Variants in PTPRN2 observed in about 807,000 individuals in gnomAD.
PTPRN2 encodes receptor-type tyrosine-protein phosphatase N2.
PTPRN2 carries 74 observed loss-of-function variants against 118.8 expected under a neutral mutation model. The ratio of observed to expected loss-of-function variants is 0.62; its 90% CI spans 0.52 to 0.76. The LOEUF is 0.76. Among genes scored for constraint, PTPRN2 ranks in the 30% least tolerant of loss-of-function variants. The pLI is 0.00. For synonymous variants in PTPRN2, 641 were observed against 608.0 expected, an observed-to-expected ratio of 1.05 and a Z score of -0.80; for missense variants, 1,481 against 1,394.4, an observed-to-expected ratio of 1.06 and a Z score of -0.99.
At chr7:157,927,322 C>CG (rs1461874469) in intron 11 of PTPRN2, among the ~76,000 whole-genome samples, 35 of 41,718 alleles carry the variant, frequency 8.4e-4, no homozygotes, top group East Asian at 1.8e-3. Context: ...TCTGGGACCC[C>CG]AAGACAGGAA....
intron 12 of PTPRN2, among the ~76,000 whole-genome samples, chr7:157,796,792 G>A (rs1040577754): frequency 5.3e-5 from 8 of 152,192 alleles, no homozygotes; most frequent in Admixed American, 5.2e-4. Flanking sequence ...GGGCTACCCA[G>A]GTTTAAACAC....
At chr7:158,491,996 G>C (rs565946535) in intron 1 of PTPRN2, among the ~76,000 whole-genome samples, 1 of 152,166 alleles carries the variant, frequency 6.6e-6, no homozygotes, top group Non-Finnish European at 1.5e-5. Flanking sequence ...CACAAAAGCA[G>C]TGACCTTGAA....
intron 21 of PTPRN2, among the ~76,000 whole-genome samples, chr7:157,559,618 C>T (rs552928978): frequency 3.0e-4 from 46 of 152,208 alleles, no homozygotes; most frequent in African/African-American, 9.4e-4. Flanking sequence ...AGTGACTGCC[C>T]GGCAGCAGGG....
At chr7:157,568,801 G>A in intron 21 of PTPRN2, 101 bp downstream of exon 21, 1 of 1,267,066 alleles carries the variant, frequency 7.9e-7, no homozygotes, top group Non-Finnish European at 1.1e-6. Context: ...AACAAGCAGC[G>A]AATTTTTTCC....
chr7:158,357,302 G>A (rs924813484), intron 2 of PTPRN2, among the ~76,000 whole-genome samples: 2 of 152,218 alleles, frequency 1.3e-5, no homozygotes, highest in African/African-American at 2.4e-5. Flanking sequence ...CTGGCCCAGC[G>A]GCACCACCCA....
chr7:158,109,560 T>C (rs1563446922), intron 10 of PTPRN2, among the ~76,000 whole-genome samples: 1 of 150,178 alleles, frequency 6.7e-6, no homozygotes, highest in Admixed American at 6.6e-5. Flanking sequence ...ATCACCCCTA[T>C]GTGAAGACTC....
chr7:158,270,806 T>TC (rs1197466438), intron 3 of PTPRN2, among the ~76,000 whole-genome samples: 855 of 6,346 alleles, frequency 0.13, 96 homozygotes, highest in African/African-American at 0.21. Context: ...GACCACCCCC[T>TC]CACCTGGACC....
chr7:158,352,750 ACTCT>A (rs1243913788), intron 2 of PTPRN2, among the ~76,000 whole-genome samples: 1 of 151,876 alleles, frequency 6.6e-6, no homozygotes, highest in Admixed American at 6.6e-5. Flanking sequence ...TGCAAAGAAA[ACTCT>A]CTCTTAGAAT....
Position 157,560,545 on chromosome 7 carries a change from T to G in PTPRN2, c.2902+8357A>C, listed in dbSNP as rs954064079. Among the ~76,000 whole-genome samples the G allele has an allele frequency of 1.1e-4, 16 of 152,130 alleles. No individual in the cohort carries two copies. The highest frequency in any genetic ancestry group is 3.9e-4 in the African/African-American group (16 of 41,436). On this transcript the variant is annotated intron_variant, in intron 21 of 22. Transcript: ENST00000389418. This position sits in a 1 kb window ranked among gnomAD's most constrained non-coding sequence, Gnocchi z 6.7. ...GGCACTGCAGACCGGCCCGGGAACC[T>G]GGGGACACCTCACGCCCCACATCCC... is the stretch of plus-strand genomic sequence containing the variant.
At chr7:157,765,783 T>C (rs1250034313) in intron 12 of PTPRN2, among the ~76,000 whole-genome samples, 1 of 148,044 alleles carries the variant, frequency 6.8e-6, no homozygotes, top group African/African-American at 2.5e-5. Context: ...CACTCATCCA[T>C]CCATCCTTCC....
At chr7:157,755,059 T>G (rs1054925120) in intron 12 of PTPRN2, among the ~76,000 whole-genome samples, 2 of 152,160 alleles carry the variant, frequency 1.3e-5, no homozygotes, top group African/African-American at 4.8e-5. Flanking sequence ...CTAATTTTTA[T>G]AATTTTTGTA....
At chr7:157,960,749 G>A (rs1034054821) in intron 11 of PTPRN2, among the ~76,000 whole-genome samples, 10 of 152,252 alleles carry the variant, frequency 6.6e-5, no homozygotes, top group Non-Finnish European at 1.3e-4. Flanking sequence ...GCTTACGCCT[G>A]TAATCCCAGC....
chr7:158,112,861 G>A (rs1299028308), intron 9 of PTPRN2, among the ~76,000 whole-genome samples: 1 of 152,156 alleles, frequency 6.6e-6, no homozygotes, highest in Non-Finnish European at 1.5e-5. Flanking sequence ...CCACAGCAGG[G>A]CGTCCAGGCT....
intron 10 of PTPRN2, among the ~76,000 whole-genome samples, chr7:158,085,490 G>A (rs1344679229): frequency 1.4e-4 from 14 of 99,020 alleles, no homozygotes; most frequent in African/African-American, 1.3e-4. Context: ...CACCCACGAC[G>A]CCCATCCACA....
At chr7:158,535,922 A>G (rs1189735630) in intron 1 of PTPRN2, among the ~76,000 whole-genome samples, 1 of 148,800 alleles carries the variant, frequency 6.7e-6, no homozygotes, top group African/African-American at 2.5e-5. Context: ...TGAGTAATCT[A>G]AAAGTCTGGT....
intron 3 of PTPRN2, among the ~76,000 whole-genome samples, chr7:158,285,237 G>A (rs965924345): frequency 5.3e-5 from 8 of 152,134 alleles, no homozygotes; most frequent in South Asian, 4.2e-4. Flanking sequence ...AAGGGCACTC[G>A]CGGTCCCATG....
At chr7:158,277,053 G>A (rs971136558) in intron 3 of PTPRN2, among the ~76,000 whole-genome samples, 5 of 152,160 alleles carry the variant, frequency 3.3e-5, no homozygotes, top group African/African-American at 1.2e-4. Context: ...GGCAAGAGTG[G>A]CTGATCAGAG....
intron 12 of PTPRN2, chr7:157,865,364 G>A (rs2151245479): frequency 6.6e-6 from 1 of 152,342 alleles, no homozygotes; most frequent in Admixed American, 6.5e-5. Context: ...TCTGCTACCT[G>A]AGTTTGAATC....
In PTPRN2 at chr7:157,874,641, G is replaced by T. The variant is rs1235725120; in HGVS notation, c.1788+24032C>A. Reference sequence around the variant, plus strand: ...GGAGAAGCGGAGGGGGGCAGAGAAGGCCGTGCCACCCAGCAGCACAAGGCA... The same window carrying T: ...GGAGAAGCGGAGGGGGGCAGAGAAGTCCGTGCCACCCAGCAGCACAAGGCA... On this transcript the variant is annotated intron_variant, in intron 12 of 22. Coordinates refer to ENST00000389418, the MANE Select transcript of PTPRN2 (RefSeq NM_002847.5). The surrounding 1 kb of genome is among the most constrained non-coding windows in gnomAD (Gnocchi z 5.8). Among the ~76,000 whole-genome samples, 2 of 152,210 alleles carry T rather than the reference G, an allele frequency of 1.3e-5. No individual in the cohort carries two copies. Among genetic ancestry groups the T allele is most frequent in the African/African-American group, 4.8e-5 (2 of 41,448 alleles).
Sources: gnomAD v4.1 joint callset for allele counts (sites outside exome capture counted in the v4.1 genomes callset) on GRCh38, gnomAD v4.1.1 for gene constraint, Gnocchi (gnomAD v3.1) non-coding constraint, MANE v1.5 for transcripts, NCBI Gene and HGNC (gene_info 2026-07-23, HGNC 2026-07-21) for gene names.